Variants in SPIN1 observed in about 807,000 individuals in gnomAD.
SPIN1 encodes the protein spindlin-1.
SPIN1 carries 3 observed loss-of-function variants against 26.0 expected under a neutral mutation model. That is an observed-to-expected ratio of 0.12 (90% CI 0.05 to 0.30). The LOEUF is 0.30. SPIN1 is among the 10% of genes least tolerant of loss of function. The pLI, the probability that SPIN1 is intolerant of heterozygous loss-of-function variation, is 1.00. For synonymous variants in SPIN1, 101 were observed against 116.5 expected (o/e 0.87, Z 0.86); for missense variants, 126 against 333.4 (o/e 0.38, Z 4.84).
chr9:88,466,799 G>A (rs186728375), intron 4 of SPIN1, among the ~76,000 whole-genome samples: 1 of 152,242 alleles, frequency 6.6e-6, no homozygotes, highest in Non-Finnish European at 1.5e-5. Flanking sequence ...GTGCAGTGGC[G>A]CCATCTTGTC....
intron 4 of SPIN1, among the ~76,000 whole-genome samples, chr9:88,463,286 C>T (rs1173401155): frequency 6.6e-6 from 1 of 152,126 alleles, no homozygotes; most frequent in African/African-American, 2.4e-5. Context: ...GCCAGTTTTG[C>T]CCTGCAAGTG....
rs763585786 is a variant in SPIN1 at position 88,477,158 on chromosome 9, A to T, written c.*1881A>T. The T allele has an allele frequency of 3.9e-5, 6 of 152,104 alleles. No homozygotes were observed. The highest frequency in any genetic ancestry group is 8.8e-5 in the Non-Finnish European group (6 of 68,032). The allele number at this position is 152,104 out of a possible 1,614,324, so 9.4% of individuals were successfully genotyped here. A position where few individuals can be genotyped will look rare whatever the true frequency, so the allele number is the denominator to read the frequency against. Reference sequence around the variant, plus strand: ...ACAGGTGTCATTCTACAGATCTGTTATGTGTTTTCCTGTTGACTCTTAAGA... The same window carrying T: ...ACAGGTGTCATTCTACAGATCTGTTTTGTGTTTTCCTGTTGACTCTTAAGA... On this transcript the variant is annotated 3_prime_UTR_variant, in exon 6 of 6. Transcript: ENST00000375859.
chr9:88,411,332 A>T, intron 1 of SPIN1: 6 of 1,475,514 alleles, frequency 4.1e-6, no homozygotes, highest in Non-Finnish European at 5.6e-6. Context: ...TCTCATTACC[A>T]CACAGTCCGT....
Position 88,396,106 on chromosome 9 carries a change from A to G in SPIN1, c.-159+7568A>G, listed in dbSNP as rs1181594131. ...TCTACTAAGAATACAAAAATTGGCCAGGCATGGTGGCCTGCGCCTGTAATC... is the reference window on the plus strand; with the variant it reads ...TCTACTAAGAATACAAAAATTGGCCGGGCATGGTGGCCTGCGCCTGTAATC... On this transcript the variant is annotated intron_variant, in intron 1 of 5. Coordinates refer to ENST00000375859, the MANE Select transcript of SPIN1 (RefSeq NM_006717.3). Among the ~76,000 whole-genome samples the G allele has an allele frequency of 2.7e-5, 4 of 150,590 alleles. No homozygotes were observed. The East Asian group carries it at 7.8e-4, about 29-fold the overall frequency.
intron 3 of SPIN1, among the ~76,000 whole-genome samples, chr9:88,460,981 G>C (rs1434556100): frequency 1.3e-5 from 2 of 152,210 alleles, no homozygotes; most frequent in African/African-American, 4.8e-5. Context: ...GCTCCTGCCT[G>C]TCAGAACATC....
At chr9:88,402,282 T>C (rs553068045) in intron 1 of SPIN1, among the ~76,000 whole-genome samples, 37 of 152,332 alleles carry the variant, frequency 2.4e-4, no homozygotes, top group South Asian at 8.3e-4. Flanking sequence ...TGTGAACTAC[T>C]GCGCCTCGTT....
chr9:88,434,726 C>T (rs1331529121), intron 2 of SPIN1, among the ~76,000 whole-genome samples: 2 of 152,030 alleles, frequency 1.3e-5, no homozygotes, highest in East Asian at 3.9e-4. Context: ...TATTACTGGA[C>T]GTGTGAGTTG....
rs1201872041 is a variant in SPIN1, at chr9:88,476,617, G to GT, written c.*1341dup. 6 of 152,356 alleles carry GT rather than the reference G, an allele frequency of 3.9e-5. No homozygotes were observed. The East Asian group carries it at 9.6e-4, about 24-fold the overall frequency. The allele number at this position is 152,356 out of a possible 1,614,324, so 9.4% of individuals were successfully genotyped here. ...AGCCGTTTGTGTTCGCTTGGTAGGT[G>GT]TAAGTAATAGCAGCCCTTAGCCACG... is the stretch of plus-strand genomic sequence containing the variant. On this transcript the variant is annotated 3_prime_UTR_variant, in exon 6 of 6. Coordinates refer to ENST00000375859, the MANE Select transcript of SPIN1 (RefSeq NM_006717.3).
chr9:88,441,334 T>TA, intron 2 of SPIN1, among the ~76,000 whole-genome samples: 1 of 151,292 alleles, frequency 6.6e-6, no homozygotes, highest in South Asian at 2.1e-4. Flanking sequence ...CCCCCGTAGA[T>TA]ATGGAGGGAC....
intron 2 of SPIN1, among the ~76,000 whole-genome samples, chr9:88,437,406 G>A (rs1344491717): frequency 6.6e-6 from 1 of 151,904 alleles, no homozygotes; most frequent in African/African-American, 2.4e-5. Context: ...GTTGAGGCGG[G>A]AGGATGGCTT....
intron 1 of SPIN1, among the ~76,000 whole-genome samples, chr9:88,413,658 G>A (rs760919405): frequency 1.3e-5 from 2 of 151,892 alleles, no homozygotes; most frequent in African/African-American, 4.8e-5. Flanking sequence ...GCCTCCCAAG[G>A]TCTCACACTC....
intron 3 of SPIN1, 151 bp from the exon 4 acceptor site, chr9:88,462,345 T>C: frequency 1.9e-6 from 2 of 1,065,498 alleles, no homozygotes; most frequent in Non-Finnish European, 2.7e-6. Context: ...GACAACCACT[T>C]TGAGTCACCT....
intron 3 of SPIN1, among the ~76,000 whole-genome samples, chr9:88,458,686 CATG>C (rs1828521933): frequency 1.3e-5 from 2 of 152,050 alleles, no homozygotes; most frequent in Admixed American, 6.6e-5. Context: ...GAGAAAAACA[CATG>C]AGGAGGGAAG....
intron 2 of SPIN1, among the ~76,000 whole-genome samples, chr9:88,435,279 G>A (rs1377140063): frequency 1.3e-5 from 2 of 151,238 alleles, no homozygotes; most frequent in South Asian, 2.1e-4. Flanking sequence ...GCAGTGGCAC[G>A]ATCATGGTTC....
chr9:88,447,943 T>C (rs1285367837), intron 2 of SPIN1, among the ~76,000 whole-genome samples: 1 of 152,170 alleles, frequency 6.6e-6, no homozygotes, highest in African/African-American at 2.4e-5. Context: ...TGAAACCAGG[T>C]GTTTCATATA....
chr9:88,442,177 T>C (rs1307540176), intron 2 of SPIN1, among the ~76,000 whole-genome samples: 2 of 151,860 alleles, frequency 1.3e-5, no homozygotes, highest in Non-Finnish European at 2.9e-5. Context: ...GGTCTGTTGG[T>C]GACAAATTTC....
chr9:88,437,167 A>C (rs1265612242), intron 2 of SPIN1, among the ~76,000 whole-genome samples: 1 of 152,054 alleles, frequency 6.6e-6, no homozygotes, highest in Non-Finnish European at 1.5e-5. Context: ...TATTGAAGAA[A>C]CATCTTGGTT....
chr9:88,457,535 A>G (rs1450087067), intron 3 of SPIN1, among the ~76,000 whole-genome samples: 1 of 152,132 alleles, frequency 6.6e-6, no homozygotes, highest in Non-Finnish European at 1.5e-5. Context: ...CTCAAAAAAT[A>G]ATAATAAATA....
chr9:88,449,141 T>C (rs1828309659), intron 3 of SPIN1, 152 bp downstream of exon 3: 1 of 663,722 alleles, frequency 1.5e-6, no homozygotes, highest in African/African-American at 1.8e-5. Context: ...TATGTAGTCA[T>C]CTTCTCTGTC....
Sources: allele counts gnomAD v4.1 joint callset (sites outside exome capture counted in the v4.1 genomes callset), GRCh38; gene constraint gnomAD v4.1.1; transcripts MANE v1.5; gene names NCBI Gene and HGNC (gene_info 2026-07-23, HGNC 2026-07-21).